Variants in NEB observed in about 807,000 individuals in gnomAD.
NEB encodes nebulin.
A neutral mutation model predicts 952.2 loss-of-function variants in NEB; 512 were observed. That is an observed-to-expected ratio of 0.54 (90% CI 0.50 to 0.58). The LOEUF (loss-of-function observed/expected upper bound fraction) is 0.58, where lower values mean the gene tolerates loss of function less well. NEB is among the 20% of genes least tolerant of loss of function. The pLI, the probability that NEB is intolerant of heterozygous loss-of-function variation, is 0.00. For missense variants in NEB, 8,428 were observed against 9,231.1 expected, an observed-to-expected ratio of 0.91 and a Z score of 3.56; for synonymous variants, 2,900 against 3,149.8, an observed-to-expected ratio of 0.92 and a Z score of 2.66.
chr2:151,667,748 C>T lies in NEB; in HGVS notation c.4719+56G>A, dbSNP rs539363010. On this transcript the variant is annotated intron_variant, in intron 40 of 181. Coordinates refer to ENST00000397345, the MANE Select transcript of NEB (RefSeq NM_001164508.2). ...GTCTTGCTATGTTGCCCAGGCTGGT[C>T]TTGAACTCCTGAAGTCTTTTAGATA... 1.4e-3 allele frequency: 1,936 copies of T among 1,426,814 alleles called. 3 individuals are homozygous for T. The highest frequency in any genetic ancestry group is 1.8e-3 in the Non-Finnish European group (1,840 of 1,022,234). The allele number at this position is 1,426,814 out of a possible 1,614,324, so 88.4% of individuals were successfully genotyped here.
intron 168 of NEB, 82 bp downstream of exon 168, chr2:151,501,309 T>G: frequency 1.1e-6 from 1 of 931,184 alleles, no homozygotes; most frequent in Non-Finnish European, 1.7e-6. Flanking sequence ...TTGATTATTA[T>G]AAAGGGATGA....
intron 25 of NEB, 149 bp downstream of exon 25, chr2:151,688,143 A>T: frequency 1.6e-6 from 1 of 636,714 alleles, no homozygotes; most frequent in Non-Finnish European, 2.7e-6. Context: ...TAGGAGTCTT[A>T]AGAGCATTTT....
chr2:151,526,469 G>A (rs1415886087), intron 148 of NEB, among the ~76,000 whole-genome samples: 2 of 152,102 alleles, frequency 1.3e-5, no homozygotes, highest in African/African-American at 2.4e-5. Flanking sequence ...AATGGATCTC[G>A]TGATGAATCT....
Position 151,519,787 on chromosome 2 carries a change from A to G in NEB, c.22480-19T>C, listed in dbSNP as rs1038108071. The G allele has an allele frequency of 7.4e-6, 11 of 1,484,028 alleles. No individual in the cohort carries two copies. Among genetic ancestry groups the G allele is most frequent in the Middle Eastern group, 1.7e-4 (1 of 5,820 alleles). 91.9% of individuals were successfully genotyped at this position (1,484,028 alleles called of 1,614,324 possible). ...ATTTAACCTAACAGCAAATGCAAAC[A>G]TCCAAATTATTCCTGGACATCAATC... On this transcript the variant is annotated intron_variant, in intron 153 of 181. Transcript: ENST00000397345.
intron 9 of NEB, among the ~76,000 whole-genome samples, chr2:151,718,367 C>T (rs541588943): frequency 6.6e-6 from 1 of 152,136 alleles, no homozygotes; most frequent in Non-Finnish European, 1.5e-5. Context: ...GGGCTCTGTG[C>T]CCAATACTCT....
intron 25 of NEB, 60 bp from the exon 26 acceptor site, chr2:151,687,793 A>T: frequency 6.9e-7 from 1 of 1,453,716 alleles, no homozygotes; most frequent in Non-Finnish European, 9.4e-7. Context: ...CAGTAAAAAA[A>T]TAAAAACATA....
rs1292003057 is a variant in NEB, at chr2:151,531,110, T to C, written c.21523-9A>G. ...TCCAATTTATAAAGGATCTGAAAGA[T>C]CAAAAAGCAGAAAGACATCATGTCA... On this transcript the variant is annotated splice_polypyrimidine_tract_variant and intron_variant, in intron 144 of 181. Coordinates refer to ENST00000397345, the MANE Select transcript of NEB (RefSeq NM_001164508.2). 2 of 1,563,506 alleles carry C rather than the reference T, an allele frequency of 1.3e-6. No homozygotes were observed. The highest frequency in any genetic ancestry group is 1.8e-6 in the Non-Finnish European group (2 of 1,136,338).
intron 116 of NEB, 49 bp downstream of exon 116, chr2:151,565,452 C>A (rs201126336): frequency 1.1e-5 from 14 of 1,250,432 alleles, no homozygotes; most frequent in Admixed American, 5.9e-5. Context: ...CAATGATAGA[C>A]AATTTACTCC....
Position 151,485,681 on chromosome 2 carries a change from G to C in NEB, c.*79C>G. On this transcript the variant is annotated 3_prime_UTR_variant, in exon 182 of 182. Transcript: ENST00000397345. ...AACCATAGGCAGCTTGAGAACTTAG[G>C]TAACAGTGGAGAGTCTAAACCGAAA... 7.4e-7 allele frequency: 1 copy of C among 1,356,444 alleles called. No homozygotes were observed. The highest frequency in any genetic ancestry group is 1.6e-5 in the South Asian group (1 of 63,784). The allele number at this position is 1,356,444 out of a possible 1,614,324, so 84.0% of individuals were successfully genotyped here.
At chr2:151,725,823 T>A (rs948488077) in intron 5 of NEB, among the ~76,000 whole-genome samples, 4 of 152,206 alleles carry the variant, frequency 2.6e-5, no homozygotes, top group African/African-American at 9.7e-5. Flanking sequence ...ATTCTTTCAA[T>A]CTTTTTTTTT....
At chr2:151,726,667 A>G (rs539752947) in intron 5 of NEB, among the ~76,000 whole-genome samples, 69 of 152,160 alleles carry the variant, frequency 4.5e-4, no homozygotes, top group Non-Finnish European at 9.1e-4. Flanking sequence ...AGGACCAGGG[A>G]CCATTGAGAG....
intron 127 of NEB, 22 bp downstream of exon 127, chr2:151,553,376 G>A: frequency 6.4e-7 from 1 of 1,551,922 alleles, no homozygotes; most frequent in Non-Finnish European, 8.9e-7. Flanking sequence ...ATATACTAAA[G>A]AACAAAACAA....
At position 151,495,665 on chromosome 2, in the gene NEB, AGAAC is replaced by A. The variant is rs562061208; in HGVS notation, c.24486+607_24486+610del. 4.9e-3 allele frequency among the ~76,000 whole-genome samples: 749 copies of A among 152,006 alleles called. 2 individuals are homozygous for A. The highest frequency in any genetic ancestry group is 0.014 in the Middle Eastern group (4 of 292). On this transcript the variant is annotated intron_variant, in intron 173 of 181. Coordinates refer to ENST00000397345, the MANE Select transcript of NEB (RefSeq NM_001164508.2). ...CAGTTAAAGACTACAGTAAAACTAAAGAACAACAACAACAACAAACAAAAAACGA... is the reference window on the plus strand; with the variant it reads ...CAGTTAAAGACTACAGTAAAACTAAAAACAACAACAACAAACAAAAAACGA...
intron 57 of NEB, 121 bp from the exon 58 acceptor site, chr2:151,643,474 A>T: frequency 1.2e-6 from 1 of 867,622 alleles, no homozygotes; most frequent in Non-Finnish European, 1.7e-6. Flanking sequence ...TATTTTTAAT[A>T]CTTGAATTAT....
At chr2:151,554,124 TG>T in intron 125 of NEB, 99 bp from the exon 126 acceptor site, 1 of 1,099,568 alleles carries the variant, frequency 9.1e-7, no homozygotes, top group Middle Eastern at 2.0e-4. Context: ...AGCGAACAGT[TG>T]GGGGCAGGGC....
At chr2:151,496,512 G>C in intron 172 of NEB, 144 bp from the exon 173 acceptor site, 1 of 1,440,138 alleles carries the variant, frequency 6.9e-7, no homozygotes, top group Non-Finnish European at 9.3e-7. Flanking sequence ...AATGCCACCA[G>C]CTACTTTAGT....
In NEB at chr2:151,607,454, G is replaced by C; in HGVS notation, c.12639+50C>G. The C allele has an allele frequency of 4.9e-6, 4 of 811,598 alleles. 1 individual carries two copies. Among genetic ancestry groups the C allele is most frequent in the Non-Finnish European group, 7.3e-6 (4 of 548,182 alleles). The allele number at this position is 811,598 out of a possible 1,614,324, so 50.3% of individuals were successfully genotyped here. A position where few individuals can be genotyped will look rare whatever the true frequency, so the allele number is the denominator to read the frequency against. On this transcript the variant is annotated intron_variant, in intron 83 of 181. Transcript: ENST00000397345. Reference sequence around the variant, plus strand: ...GTCACTATAACACTCTCCATGAGCAGACAGATATTGCCCATAAAGGCTTTT... The same window carrying C: ...GTCACTATAACACTCTCCATGAGCACACAGATATTGCCCATAAAGGCTTTT...
intron 124 of NEB, among the ~76,000 whole-genome samples, chr2:151,559,036 A>G (rs1436271741): frequency 6.6e-6 from 1 of 152,248 alleles, no homozygotes; most frequent in Non-Finnish European, 1.5e-5. Flanking sequence ...TCTGCAATCT[A>G]TCCATCTGAC....
chr2:151,727,240 T>C (rs1045534434), intron 5 of NEB, among the ~76,000 whole-genome samples: 3 of 152,186 alleles, frequency 2.0e-5, no homozygotes, highest in Admixed American at 6.5e-5. Flanking sequence ...AGTCTGATCT[T>C]GGATTTTTAA....
Sources: gnomAD v4.1 joint callset for allele counts (sites outside exome capture counted in the v4.1 genomes callset) on GRCh38, gnomAD v4.1.1 for gene constraint, MANE v1.5 for transcripts, NCBI Gene and HGNC (gene_info 2026-07-23, HGNC 2026-07-21) for gene names.